Variants in SIL1 observed in about 807,000 individuals in gnomAD.
SIL1 encodes SIL1 nucleotide exchange factor.
Under a neutral mutation model 49.1 loss-of-function variants are expected in SIL1, and 40 were observed. The observed-to-expected ratio is 0.81, with a 90% CI of 0.63 to 1.06. SIL1 has a LOEUF of 1.06. SIL1 is among the 50% of genes least tolerant of loss of function. The pLI, the probability that SIL1 is intolerant of heterozygous loss-of-function variation, is 0.00. For missense variants in SIL1, 500 were observed against 572.6 expected (o/e 0.87, Z 1.29); for synonymous variants, 253 against 250.8 (o/e 1.01, Z -0.08).
chr5:139,004,378 T>A (rs1474371690), intron 7 of SIL1, among the ~76,000 whole-genome samples: 1 of 152,192 alleles, frequency 6.6e-6, no homozygotes, highest in African/African-American at 2.4e-5. Context: ...GTGCATGGGA[T>A]TCAGTGGATT....
At chr5:139,049,907 G>A (rs543719352) in intron 4 of SIL1, among the ~76,000 whole-genome samples, 2 of 152,160 alleles carry the variant, frequency 1.3e-5, no homozygotes, top group South Asian at 4.1e-4. Flanking sequence ...CACAGGGTCA[G>A]CAAACTGTCT....
chr5:139,000,512 C>T (rs1009465782), intron 7 of SIL1, among the ~76,000 whole-genome samples: 1 of 152,088 alleles, frequency 6.6e-6, no homozygotes, highest in Non-Finnish European at 1.5e-5. Flanking sequence ...AAAAGATAGA[C>T]TCTTTAGTAC....
intron 2 of SIL1, among the ~76,000 whole-genome samples, chr5:139,125,953 T>C (rs1428941402): frequency 1.3e-5 from 2 of 152,146 alleles, no homozygotes; most frequent in African/African-American, 2.4e-5. Context: ...CAGCCGGCCT[T>C]TCCTGGGTGG....
intron 1 of SIL1, among the ~76,000 whole-genome samples, chr5:139,148,996 G>T (rs531956128): frequency 6.6e-6 from 1 of 152,266 alleles, no homozygotes; most frequent in South Asian, 2.1e-4. Flanking sequence ...CTGGGTAGAA[G>T]AAGCTTGGTT....
intron 1 of SIL1, among the ~76,000 whole-genome samples, chr5:139,139,340 T>C (rs1050537174): frequency 1.3e-5 from 2 of 152,154 alleles, no homozygotes; most frequent in Middle Eastern, 3.2e-3. Flanking sequence ...AGAATTCATC[T>C]TTCCTTTCCC....
chr5:139,060,193 T>C (rs560327548), intron 3 of SIL1, among the ~76,000 whole-genome samples: 1 of 152,318 alleles, frequency 6.6e-6, no homozygotes, highest in East Asian at 1.9e-4. Context: ...GGTGAGCCTA[T>C]GAAGAGTATG....
At chr5:139,055,563 C>T (rs1051388234) in intron 3 of SIL1, among the ~76,000 whole-genome samples, 1 of 151,266 alleles carries the variant, frequency 6.6e-6, no homozygotes, top group African/African-American at 2.4e-5. Context: ...TCATGTTCTG[C>T]TATTGTCATG....
intron 7 of SIL1, among the ~76,000 whole-genome samples, chr5:138,992,057 A>G (rs1269955532): frequency 2.0e-5 from 3 of 152,248 alleles, no homozygotes; most frequent in Admixed American, 1.3e-4. Context: ...CTTCTAATGC[A>G]TACGCAGACC....
At chr5:138,949,720 A>G (rs971201353) in intron 9 of SIL1, among the ~76,000 whole-genome samples, 3 of 145,064 alleles carry the variant, frequency 2.1e-5, no homozygotes, top group African/African-American at 7.5e-5. Flanking sequence ...CTGAGGTGGG[A>G]GGATCACTTG....
At chr5:139,039,821 A>G (rs1386027127) in intron 5 of SIL1, among the ~76,000 whole-genome samples, 1 of 152,232 alleles carries the variant, frequency 6.6e-6, no homozygotes, top group Non-Finnish European at 1.5e-5. Flanking sequence ...AGACATAATA[A>G]AACATAAAAG....
chr5:139,067,587 G>A (rs1769734917), intron 3 of SIL1, among the ~76,000 whole-genome samples: 1 of 152,244 alleles, frequency 6.6e-6, no homozygotes, highest in Non-Finnish European at 1.5e-5. Context: ...AAAGTTTTAA[G>A]TACACATTTA....
At chr5:138,996,128 G>T (rs752913136) in intron 7 of SIL1, among the ~76,000 whole-genome samples, 1 of 152,264 alleles carries the variant, frequency 6.6e-6, no homozygotes, top group Non-Finnish European at 1.5e-5. Flanking sequence ...TTCCAAAGTG[G>T]CTGTACTAAT....
chr5:139,142,376 C>CA (rs1379948018), intron 1 of SIL1, among the ~76,000 whole-genome samples: 1 of 152,032 alleles, frequency 6.6e-6, no homozygotes, highest in Non-Finnish European at 1.5e-5. Flanking sequence ...AATATACATG[C>CA]AAAAAATCCT....
At chr5:139,035,611 A>C (rs967734127) in intron 5 of SIL1, 13 of 285,916 alleles carry the variant, frequency 4.5e-5, no homozygotes, top group Admixed American at 3.4e-4. Context: ...CATGGCGCCC[A>C]TTTCACCCTC....
chr5:139,028,109 A>G (rs76992563), intron 5 of SIL1, among the ~76,000 whole-genome samples: 444 of 152,198 alleles, frequency 2.9e-3, no homozygotes, highest in African/African-American at 0.01. Flanking sequence ...ACTTTCTAGA[A>G]CTGTGAGATG....
At chr5:138,962,979 G>A (rs1432692401) in intron 7 of SIL1, among the ~76,000 whole-genome samples, 2 of 152,194 alleles carry the variant, frequency 1.3e-5, no homozygotes, top group East Asian at 3.8e-4. Context: ...GCAGTCTGAG[G>A]GAGGCAAGGC....
At chr5:139,176,020 G>A (rs1300719649) in intron 1 of SIL1, among the ~76,000 whole-genome samples, 1 of 151,810 alleles carries the variant, frequency 6.6e-6, no homozygotes, top group Non-Finnish European at 1.5e-5. Context: ...TTGTGAGACA[G>A]TGTCTCACTC....
Position 139,158,191 on chromosome 5 carries a change from G to T in SIL1, c.-10-30338C>A, listed in dbSNP as rs368275835. ...TGGCAGAGCCAGAATTAGAAAGCAG[G>T]TCTGACTCCAAAGCCCAAGATCTTA... On this transcript the variant is annotated intron_variant, in intron 1 of 9. Transcript: ENST00000394817. 1.2e-3 allele frequency among the ~76,000 whole-genome samples: 184 copies of T among 152,248 alleles called. 1 individual carries two copies. The highest frequency in any genetic ancestry group is 3.1e-3 in the South Asian group (15 of 4,828).
At position 139,037,076 on chromosome 5, in the gene SIL1, C is replaced by T. The variant is rs112960265; in HGVS notation, c.453+5544G>A. On this transcript the variant is annotated intron_variant, in intron 5 of 9. Coordinates refer to ENST00000394817, the MANE Select transcript of SIL1 (RefSeq NM_022464.5). ...CTCTCTCTAAAAGTGTCTTGACTTC[C>T]CTTTCACTCCTGAAATATATTCACG... Among the ~76,000 whole-genome samples, 841 of 150,698 alleles carry T rather than the reference C, an allele frequency of 5.6e-3. 7 individuals carry two copies. Among genetic ancestry groups the T allele is most frequent in the African/African-American group, 0.02 (806 of 40,078 alleles).
Sources: allele counts gnomAD v4.1 joint callset (sites outside exome capture counted in the v4.1 genomes callset), GRCh38; gene constraint gnomAD v4.1.1; transcripts MANE v1.5; gene names NCBI Gene and HGNC (gene_info 2026-07-23, HGNC 2026-07-21).